Variants in PWWP2B observed in about 807,000 individuals in gnomAD.
The protein encoded by PWWP2B is PWWP domain containing 2B.
A neutral mutation model predicts 15.5 loss-of-function variants in PWWP2B; 9 were observed. The observed-to-expected ratio is 0.58, with a 90% CI of 0.35 to 1.02. The LOEUF is 1.02. PWWP2B is among the 50% of genes least tolerant of loss of function. The probability of loss-of-function intolerance (pLI) is 0.02; values close to 1 mark genes in which losing one functional copy is unlikely to be tolerated. For missense variants in PWWP2B, 864 were observed against 865.3 expected (o/e 1.00, Z 0.02); for synonymous variants, 474 against 403.6 (o/e 1.17, Z -2.09).
intron 2 of PWWP2B, among the ~76,000 whole-genome samples, chr10:132,412,076 C>A (rs551755126): frequency 1.1e-3 from 163 of 152,360 alleles, no homozygotes; most frequent in African/African-American, 3.8e-3. Context: ...CCGGTCCTTG[C>A]CGCTTCCTCC....
At position 132,417,046 on chromosome 10, in the gene PWWP2B, T is replaced by C. The variant is rs773136734; in HGVS notation, c.*17-15T>C. The C allele has an allele frequency of 1.2e-6, 2 of 1,613,524 alleles. No individual in the cohort carries two copies. The highest frequency in any genetic ancestry group is 1.7e-6 in the Non-Finnish European group (2 of 1,179,598). On this transcript the variant is annotated splice_polypyrimidine_tract_variant and intron_variant, in intron 2 of 2. Coordinates refer to ENST00000305233, the MANE Select transcript of PWWP2B (RefSeq NM_138499.4). ...CCCTGAGTTAAATCTCTGCCCCTTT[T>C]TGCTTTCCCCCAAGGTCACCGACGA...
At position 132,410,683 on chromosome 10, in the gene PWWP2B, C is replaced by A. The variant is rs564777283; in HGVS notation, c.*16+4394C>A. 5.9e-5 allele frequency among the ~76,000 whole-genome samples: 9 copies of A among 152,200 alleles called. No individual in the cohort carries two copies. The East Asian group carries it at 1.2e-3, about 20-fold the overall frequency. On this transcript the variant is annotated intron_variant, in intron 2 of 2. Transcript: ENST00000305233. Reference sequence around the variant, plus strand: ...CCAACGGGGCACCTGGTCCTGGGAGCTGTGAGGGCCGACGGGGCACTTGGT... The same window carrying A: ...CCAACGGGGCACCTGGTCCTGGGAGATGTGAGGGCCGACGGGGCACTTGGT...
intron 1 of PWWP2B, among the ~76,000 whole-genome samples, chr10:132,400,902 T>C (rs938735287): frequency 2.6e-5 from 4 of 152,254 alleles, no homozygotes; most frequent in African/African-American, 9.6e-5. Flanking sequence ...GGCAGGGGGC[T>C]GCCATGTGGG....
chr10:132,405,881 G>C lies in PWWP2B; in HGVS notation c.1381G>C (p.Ala461Pro), dbSNP rs751124584. The C allele has an allele frequency of 1.9e-6, 3 of 1,611,436 alleles. No homozygotes were observed. The highest frequency in any genetic ancestry group is 1.7e-5 in the Admixed American group (1 of 59,990). ...GTCAGCGCCCTCGGTGTCCAGAGAG[G>C]CTCGCCAAACGGTGCCGCCCCTGAC... ...GASAPSVSRE[A>P]RQTVPPLTVR... Residue 461 changes from alanine (A) to proline (P), a missense_variant, in exon 2 of 3, where the codon GCT becomes CCT. By Grantham distance (27) the Ala-to-Pro change is conservative (BLOSUM62 -1). Transcript: ENST00000305233.
Position 132,404,933 on chromosome 10 carries a change from C to A in PWWP2B, c.433C>A (p.Pro145Thr). 6.3e-7 allele frequency: 1 copy of A among 1,594,820 alleles called. No homozygotes were observed. Among genetic ancestry groups the A allele is most frequent in the Non-Finnish European group, 8.5e-7 (1 of 1,178,042 alleles). Reference sequence around the variant, plus strand: ...CAAGCTGTGGGTGCCCCAGCCGCCGCCCAGGACCATCAAGCGCACGCGGCG... The same window carrying A: ...CAAGCTGTGGGTGCCCCAGCCGCCGACCAGGACCATCAAGCGCACGCGGCG... Reference protein sequence around the residue: ...TYKLWVPQPPPRTIKRTRRRL... With the variant: ...TYKLWVPQPPTRTIKRTRRRL... Residue 145 changes from proline (P) to threonine (T), a missense_variant, in exon 2 of 3, where the codon CCC becomes ACC. Transcript: ENST00000305233.
intron 2 of PWWP2B, among the ~76,000 whole-genome samples, chr10:132,411,159 G>A (rs1046359335): frequency 6.6e-6 from 1 of 152,154 alleles, no homozygotes; most frequent in African/African-American, 2.4e-5. Context: ...AGGGCTGTGC[G>A]CCTTCAGCTC....
At chr10:132,410,167 C>T (rs1180819580) in intron 2 of PWWP2B, among the ~76,000 whole-genome samples, 1 of 152,078 alleles carries the variant, frequency 6.6e-6, no homozygotes, top group Non-Finnish European at 1.5e-5. Flanking sequence ...GGAGGCTGGG[C>T]GGTGTGCAGG....
chr10:132,414,064 G>A (rs942365022), intron 2 of PWWP2B, among the ~76,000 whole-genome samples: 5 of 152,248 alleles, frequency 3.3e-5, no homozygotes, highest in African/African-American at 1.2e-4. Flanking sequence ...TCAGCTCCAT[G>A]AGCGAGGGTC....
rs139452616 is a variant in PWWP2B at position 132,405,787 on chromosome 10, C to G, written c.1287C>G (p.Asp429Glu). 6.2e-7 allele frequency: 1 copy of G among 1,607,322 alleles called. No homozygotes were observed. The highest frequency in any genetic ancestry group is 8.5e-7 in the Non-Finnish European group (1 of 1,179,768). Reference sequence around the variant, plus strand: ...CGGCGTGCAGCAGCGACAGCCTGGACGAGGCCAGATCGTCCGGCTCGGAAG... The same window carrying G: ...CGGCGTGCAGCAGCGACAGCCTGGAGGAGGCCAGATCGTCCGGCTCGGAAG... The part of the protein sequence containing the change: ...SESACSSDSL[D>E]EARSSGSEGT... The change falls in exon 2 of 3, where the codon GAC (aspartate) becomes GAG (glutamate). Residue 429 changes from aspartate to glutamate, a missense_variant. By Grantham distance (45) the Asp-to-Glu change is conservative. Coordinates refer to ENST00000305233, the MANE Select transcript of PWWP2B (RefSeq NM_138499.4).
intron 2 of PWWP2B, among the ~76,000 whole-genome samples, chr10:132,409,456 G>A (rs1048256329): frequency 6.6e-6 from 1 of 152,166 alleles, no homozygotes; most frequent in African/African-American, 2.4e-5. Flanking sequence ...CCTGCAGCTG[G>A]GAATGGGGAC....
chr10:132,406,529 A>G (rs1308221408), intron 2 of PWWP2B, among the ~76,000 whole-genome samples: 1 of 152,252 alleles, frequency 6.6e-6, no homozygotes, highest in African/African-American at 2.4e-5. Flanking sequence ...GCTTGTTGGA[A>G]GCACACAGCG....
chr10:132,398,856 A>C (rs963666147), intron 1 of PWWP2B, among the ~76,000 whole-genome samples: 26 of 152,174 alleles, frequency 1.7e-4, no homozygotes, highest in Non-Finnish European at 3.4e-4. Context: ...TTAGCAGCCA[A>C]CCTTGCTGCC....
In PWWP2B at chr10:132,406,079, A is replaced by C. The variant is rs1391096602; in HGVS notation, c.1579A>C (p.Lys527Gln). The change falls in exon 2 of 3, where the codon AAG becomes CAG. Residue 527 changes from lysine to glutamine, a missense_variant. By Grantham distance (53) the Lys-to-Gln change is moderately conservative. Around this residue, in one of 2 missense-constraint regions of PWWP2B, gnomAD observed 128 missense variants for 177.6 expected, o/e 0.72. Transcript: ENST00000305233. ...CGGAGAGCCGTCTTGGCGAGAAGCG[A>C]AGGTCTCGTGGTTTGGTTCTCCGAC... The part of the protein sequence containing the change: ...EDGEPSWREA[K>Q]VSWFGSPTTS... The C allele has an allele frequency of 6.2e-7, 1 of 1,613,524 alleles. No homozygotes were observed. The highest frequency in any genetic ancestry group is 1.1e-5 in the South Asian group (1 of 91,088).
At chr10:132,411,552 G>A (rs2069780663) in intron 2 of PWWP2B, among the ~76,000 whole-genome samples, 1 of 152,256 alleles carries the variant, frequency 6.6e-6, no homozygotes. Flanking sequence ...GGCCCGTGGG[G>A]CAAGGGAGGG....
intron 2 of PWWP2B, among the ~76,000 whole-genome samples, chr10:132,416,046 T>G (rs1430553599): frequency 6.6e-6 from 1 of 152,168 alleles, no homozygotes; most frequent in Non-Finnish European, 1.5e-5. Context: ...GGCATGGTGG[T>G]CTCAGGGCGG....
chr10:132,399,495 G>GCT (rs891385548), intron 1 of PWWP2B, among the ~76,000 whole-genome samples: 91 of 152,408 alleles, frequency 6.0e-4, no homozygotes, highest in African/African-American at 1.9e-3. Context: ...TCTCTCCCTT[G>GCT]CTTGCAAAGC....
chr10:132,414,897 C>A (rs547459658), intron 2 of PWWP2B, among the ~76,000 whole-genome samples: 2 of 152,134 alleles, frequency 1.3e-5, no homozygotes, highest in South Asian at 4.1e-4. Flanking sequence ...TCTCAACTGG[C>A]GTTGGGCTGG....
At chr10:132,415,554 C>G (rs1044206033) in intron 2 of PWWP2B, among the ~76,000 whole-genome samples, 1 of 136,962 alleles carries the variant, frequency 7.3e-6, no homozygotes, top group African/African-American at 2.8e-5. Context: ...CACACACATT[C>G]ACACAAACAC....
Position 132,397,307 on chromosome 10 carries a change from C to G in PWWP2B, c.81C>G (p.Cys27Trp). 1 of 1,430,608 alleles carries G rather than the reference C, an allele frequency of 7.0e-7. No homozygotes were observed. The highest frequency in any genetic ancestry group is 1.5e-5 in the African/African-American group (1 of 68,400). The allele number at this position is 1,430,608 out of a possible 1,614,324, so 88.6% of individuals were successfully genotyped here. A position where few individuals can be genotyped will look rare whatever the true frequency, so the allele number is the denominator to read the frequency against. The change falls in exon 1 of 3, where the codon TGC (cysteine) becomes TGG (tryptophan). Residue 27 changes from cysteine (C) to tryptophan (W), a missense_variant. Physicochemically the swap from Cys to Trp is radical, Grantham distance 215. Around this residue, in one of 2 missense-constraint regions of PWWP2B, gnomAD observed 736 missense variants for 687.7 expected, o/e 1.07. Coordinates refer to ENST00000305233, the MANE Select transcript of PWWP2B (RefSeq NM_138499.4). ...VNGALVVTVS[C>W]GERSFAGILL... ...GCGCGCTGGTGGTCACGGTGAGCTG[C>G]GGCGAGCGGAGCTTCGCGGGGATCC...
Sources: gnomAD v4.1 joint callset for allele counts (sites outside exome capture counted in the v4.1 genomes callset) on GRCh38, gnomAD v4.1.1 for gene constraint, gnomAD v4.1.1 regional missense constraint, MANE v1.5 for transcripts, NCBI Gene and HGNC (gene_info 2026-07-23, HGNC 2026-07-21) for gene names.